FTO: variants seen among roughly 807,000 people sequenced by gnomAD.
FTO encodes the protein alpha-ketoglutarate-dependent dioxygenase FTO.
In FTO, 47 loss-of-function variants were observed where a neutral mutation model predicts 63.9. The ratio of observed to expected loss-of-function variants is 0.74; its 90% CI spans 0.58 to 0.94. The LOEUF is 0.94. Ranked by LOEUF, FTO falls within the 40% of genes least tolerant of loss-of-function variation. The pLI is 0.00. For missense variants in FTO, 562 were observed against 618.1 expected (o/e 0.91, Z 0.96); for synonymous variants, 207 against 224.4 (o/e 0.92, Z 0.69).
chr16:53,867,933 G>A (rs2080376495), intron 4 of FTO, among the ~76,000 whole-genome samples: 1 of 151,890 alleles, frequency 6.6e-6, no homozygotes, highest in Admixed American at 6.6e-5. Context: ...TTATCATTAT[G>A]TACTACCCCT....
chr16:53,898,126 A>G (rs572211841), intron 7 of FTO, among the ~76,000 whole-genome samples: 10 of 152,162 alleles, frequency 6.6e-5, no homozygotes, highest in Non-Finnish European at 1.2e-4. Context: ...CAAACCTACT[A>G]TCATGTTTAG....
chr16:53,754,868 G>A (rs1414737925), intron 1 of FTO, among the ~76,000 whole-genome samples: 3 of 152,144 alleles, frequency 2.0e-5, no homozygotes, highest in African/African-American at 7.2e-5. Flanking sequence ...GTTCTTCCAG[G>A]TACTTCTGTA....
chr16:53,801,913 C>T (rs59995142), intron 1 of FTO, among the ~76,000 whole-genome samples: 28,624 of 152,078 alleles, frequency 0.19, 5,795 homozygotes, highest in African/African-American at 0.52. Flanking sequence ...GTGTGCGCCA[C>T]CACACCCAGC....
intron 8 of FTO, among the ~76,000 whole-genome samples, chr16:53,995,500 C>T (rs1290639019): frequency 6.6e-6 from 1 of 152,220 alleles, no homozygotes; most frequent in South Asian, 2.1e-4. Context: ...TAGTGAGAGA[C>T]CCGGGGCTAG....
intron 7 of FTO, among the ~76,000 whole-genome samples, chr16:53,927,271 T>G (rs887111890): frequency 1.3e-5 from 2 of 152,070 alleles, no homozygotes; most frequent in African/African-American, 4.8e-5. Context: ...TGTTTAGGTA[T>G]AGGCAGTGCA....
intron 7 of FTO, among the ~76,000 whole-genome samples, chr16:53,933,482 T>C (rs2082324919): frequency 6.6e-6 from 1 of 152,216 alleles, no homozygotes; most frequent in Non-Finnish European, 1.5e-5. Flanking sequence ...AATGAGTGAA[T>C]CTTCCCCCTT....
chr16:54,095,228 C>G (rs2086490234), intron 8 of FTO, among the ~76,000 whole-genome samples: 1 of 152,134 alleles, frequency 6.6e-6, no homozygotes, highest in South Asian at 2.1e-4. Flanking sequence ...TTTGTAGAGA[C>G]AGAGTCTCAC....
At chr16:53,774,339 G>A (rs1309878308) in intron 1 of FTO, among the ~76,000 whole-genome samples, 1 of 152,042 alleles carries the variant, frequency 6.6e-6, no homozygotes, top group African/African-American at 2.4e-5. Flanking sequence ...CAAAGCTCCA[G>A]GTAAATATAA....
chr16:53,933,847 ATC>A, intron 7 of FTO, 136 bp from the exon 8 acceptor site: 2 of 826,630 alleles, frequency 2.4e-6, no homozygotes, highest in Non-Finnish European at 3.8e-6. Flanking sequence ...ATTTTTGGCC[ATC>A]ATTTACTGCA....
At position 53,943,097 on chromosome 16, in the gene FTO, G is replaced by A. The variant is rs191498921; in HGVS notation, c.1364+8988G>A. 3.1e-3 allele frequency among the ~76,000 whole-genome samples: 473 copies of A among 152,274 alleles called. 4 individuals are homozygous for A. Among genetic ancestry groups the A allele is most frequent in the Admixed American group, 0.012 (186 of 15,288 alleles). ...TTTTTGCTGCCCTTAGCAGAAGAAA[G>A]TTCTTTGTGTTTCTGATCCAGATTA... is the stretch of plus-strand genomic sequence containing the variant. On this transcript the variant is annotated intron_variant, in intron 8 of 8. Coordinates refer to ENST00000471389, the MANE Select transcript of FTO (RefSeq NM_001080432.3).
intron 1 of FTO, among the ~76,000 whole-genome samples, chr16:53,727,568 T>A (rs989113290): frequency 1.3e-5 from 2 of 152,072 alleles, no homozygotes; most frequent in African/African-American, 4.8e-5. Context: ...GCAAAAGCCA[T>A]TTTTTTTCTT....
intron 8 of FTO, among the ~76,000 whole-genome samples, chr16:53,958,326 C>G (rs564285061): frequency 6.6e-6 from 1 of 152,288 alleles, no homozygotes; most frequent in East Asian, 1.9e-4. Flanking sequence ...TTTCTTATGG[C>G]AGAGGAGTGC....
chr16:53,841,923 T>C (rs532829686), intron 3 of FTO, among the ~76,000 whole-genome samples: 141 of 152,358 alleles, frequency 9.3e-4, no homozygotes, highest in Admixed American at 3.7e-3. Flanking sequence ...AGTTCTGTCG[T>C]TGAACCTCTC....
intron 8 of FTO, among the ~76,000 whole-genome samples, chr16:53,996,292 T>G (rs1270451292): frequency 6.6e-6 from 1 of 152,158 alleles, no homozygotes; most frequent in South Asian, 2.1e-4. Flanking sequence ...AAAATAAAAG[T>G]GGAGACAGCA....
At chr16:53,867,222 T>C (rs905307358) in intron 4 of FTO, among the ~76,000 whole-genome samples, 13 of 152,248 alleles carry the variant, frequency 8.5e-5, no homozygotes, top group South Asian at 2.1e-4. Flanking sequence ...AATTCCATTC[T>C]GGACTGAGGT....
At chr16:54,102,009 T>C (rs1190939473) in intron 8 of FTO, among the ~76,000 whole-genome samples, 2 of 152,156 alleles carry the variant, frequency 1.3e-5, no homozygotes, top group Admixed American at 1.3e-4. Context: ...TTTAATGGGG[T>C]TGTTTTTCTC....
At chr16:53,864,254 G>A (rs947612124) in intron 4 of FTO, among the ~76,000 whole-genome samples, 9 of 152,200 alleles carry the variant, frequency 5.9e-5, no homozygotes, top group Non-Finnish European at 1.2e-4. Context: ...TACCCCAAGA[G>A]TGCCTTTAGC....
chr16:53,719,533 T>C (rs1298489925), intron 1 of FTO, among the ~76,000 whole-genome samples: 3 of 152,020 alleles, frequency 2.0e-5, no homozygotes, highest in Non-Finnish European at 4.4e-5. Context: ...GTTTTATAAT[T>C]TAAAAAATTC....
intron 8 of FTO, among the ~76,000 whole-genome samples, chr16:54,042,599 C>A (rs2085110779): frequency 1.5e-5 from 1 of 64,684 alleles, no homozygotes; most frequent in Non-Finnish European, 2.5e-5. Flanking sequence ...CTGGGTGGAG[C>A]CCACCACAGC....
Sources: allele counts gnomAD v4.1 joint callset (sites outside exome capture counted in the v4.1 genomes callset), GRCh38; gene constraint gnomAD v4.1.1; transcripts MANE v1.5; gene names NCBI Gene and HGNC (gene_info 2026-07-23, HGNC 2026-07-21).